The following SCMH1 variants were observed in gnomAD, a reference collection of about 807,000 sequenced individuals.
SCMH1 encodes the protein Scm polycomb group protein homolog 1.
SCMH1 carries 37 observed loss-of-function variants against 70.8 expected under a neutral mutation model. The observed-to-expected ratio is 0.52, with a 90% CI of 0.40 to 0.69. SCMH1 has a LOEUF of 0.69. Ranked by LOEUF, SCMH1 falls within the 30% of genes least tolerant of loss-of-function variation. SCMH1 has a pLI of 0.00. For missense variants in SCMH1, 607 were observed against 827.3 expected, an observed-to-expected ratio of 0.73 and a Z score of 3.27; for synonymous variants, 292 against 307.4, an observed-to-expected ratio of 0.95 and a Z score of 0.52.
intron 4 of SCMH1, chr1:41,159,759 A>G: frequency 1.3e-6 from 2 of 1,527,482 alleles, no homozygotes; most frequent in Non-Finnish European, 1.8e-6. Context: ...TCTTCAGCTC[A>G]CATTCATAGA....
At chr1:41,234,629 C>T (rs932036056) in intron 1 of SCMH1, among the ~76,000 whole-genome samples, 1 of 151,866 alleles carries the variant, frequency 6.6e-6, no homozygotes, top group Non-Finnish European at 1.5e-5. Context: ...CACCCGCCAC[C>T]ACACCTGGCT....
intron 2 of SCMH1, among the ~76,000 whole-genome samples, chr1:41,179,206 T>C (rs989324360): frequency 2.7e-4 from 41 of 151,920 alleles, no homozygotes; most frequent in African/African-American, 9.7e-4. Context: ...AGACACAACA[T>C]ACCAGAATCT....
chr1:41,092,357 T>G (rs1572028386), intron 8 of SCMH1, among the ~76,000 whole-genome samples: 1 of 152,288 alleles, frequency 6.6e-6, no homozygotes, highest in East Asian at 1.9e-4. Context: ...CCTTACACCT[T>G]ATACAAAAAT....
Position 41,076,662 on chromosome 1 carries a change from G to A in SCMH1, c.746-1211C>T, listed in dbSNP as rs75281965. ...GAGATGACATTTACACAGAGCTCCC[G>A]AAAGAGGTAAAGGCACAATGCCTTA... On this transcript the variant is annotated intron_variant, in intron 8 of 14. Transcript: ENST00000337495. Among the ~76,000 whole-genome samples, 905 of 152,264 alleles carry A rather than the reference G, an allele frequency of 5.9e-3. 5 individuals are homozygous for A. The highest frequency in any genetic ancestry group is 0.02 in the African/African-American group (841 of 41,534).
intron 2 of SCMH1, among the ~76,000 whole-genome samples, chr1:41,166,110 CT>C (rs1159737644): frequency 3.3e-5 from 5 of 151,942 alleles, no homozygotes; most frequent in Non-Finnish European, 7.4e-5. Context: ...ACAGATTGTC[CT>C]TTCCTCAATG....
intron 1 of SCMH1, among the ~76,000 whole-genome samples, chr1:41,240,755 T>A (rs1341363614): frequency 6.6e-6 from 1 of 152,042 alleles, no homozygotes; most frequent in Non-Finnish European, 1.5e-5. Flanking sequence ...TCTTTTTTTT[T>A]TTTTTTTAAG....
At chr1:41,091,384 C>T (rs1663445584) in intron 8 of SCMH1, among the ~76,000 whole-genome samples, 1 of 152,228 alleles carries the variant, frequency 6.6e-6, no homozygotes, top group South Asian at 2.1e-4. Flanking sequence ...TGGGATGTAT[C>T]TCAAAATAAT....
At chr1:41,151,170 T>C (rs1212076152) in intron 5 of SCMH1, among the ~76,000 whole-genome samples, 1 of 152,202 alleles carries the variant, frequency 6.6e-6, no homozygotes, top group Non-Finnish European at 1.5e-5. Flanking sequence ...AAACTCTGGA[T>C]GACCTCTGAT....
At chr1:41,147,952 G>T (rs554930909) in intron 5 of SCMH1, among the ~76,000 whole-genome samples, 1 of 152,170 alleles carries the variant, frequency 6.6e-6, no homozygotes, top group East Asian at 1.9e-4. Flanking sequence ...GTATATAATT[G>T]GGTTTTGCTT....
intron 5 of SCMH1, among the ~76,000 whole-genome samples, chr1:41,143,721 C>T (rs936057364): frequency 1.3e-5 from 2 of 151,946 alleles, no homozygotes; most frequent in African/African-American, 4.9e-5. Context: ...CAAGCTCTCA[C>T]ATGCTCTTTT....
intron 10 of SCMH1, among the ~76,000 whole-genome samples, chr1:41,058,768 C>A (rs1462453582): frequency 6.6e-6 from 1 of 152,136 alleles, no homozygotes; most frequent in Non-Finnish European, 1.5e-5. Context: ...CTTGGCAAAT[C>A]TACATTTTAC....
At chr1:41,169,183 G>A (rs1052856010) in intron 2 of SCMH1, among the ~76,000 whole-genome samples, 4 of 152,164 alleles carry the variant, frequency 2.6e-5, no homozygotes, top group African/African-American at 9.7e-5. Context: ...TTGTCCCTTG[G>A]GTGGAAGTTA....
At chr1:41,045,395 G>A (rs1646773543) in intron 12 of SCMH1, among the ~76,000 whole-genome samples, 1 of 152,092 alleles carries the variant, frequency 6.6e-6, no homozygotes. Context: ...TACGGATTTG[G>A]GTACAGAAGT....
chr1:41,147,223 A>G (rs1186863857), intron 5 of SCMH1, among the ~76,000 whole-genome samples: 1 of 152,192 alleles, frequency 6.6e-6, no homozygotes, highest in African/African-American at 2.4e-5. Flanking sequence ...TGTTTGTTCT[A>G]AATCTTTCGA....
At chr1:41,158,214 T>C (rs910578207) in intron 4 of SCMH1, among the ~76,000 whole-genome samples, 1 of 152,208 alleles carries the variant, frequency 6.6e-6, no homozygotes, top group Non-Finnish European at 1.5e-5. Flanking sequence ...ATTTATAGTG[T>C]GTGTCAAAGC....
chr1:41,173,853 G>A (rs1019574346), intron 2 of SCMH1, among the ~76,000 whole-genome samples: 1 of 152,058 alleles, frequency 6.6e-6, no homozygotes, highest in African/African-American at 2.4e-5. Context: ...AATGAAATAA[G>A]CCAGGCACAG....
At chr1:41,112,694 T>C (rs1406221601) in intron 8 of SCMH1, among the ~76,000 whole-genome samples, 2 of 152,216 alleles carry the variant, frequency 1.3e-5, no homozygotes, top group African/African-American at 2.4e-5. Flanking sequence ...ATTTTACCCA[T>C]GTAATCTCAT....
At chr1:41,240,560 T>TA (rs71692898) in intron 1 of SCMH1, among the ~76,000 whole-genome samples, 17,193 of 144,048 alleles carry the variant, frequency 0.12, 1,259 homozygotes, top group East Asian at 0.28. Context: ...TTTCAGAGTT[T>TA]AAAAAAAAAA....
chr1:41,180,171 AT>A (rs1408277603), intron 2 of SCMH1, among the ~76,000 whole-genome samples: 1 of 152,226 alleles, frequency 6.6e-6, no homozygotes, highest in Non-Finnish European at 1.5e-5. Context: ...ACAACACTTC[AT>A]GCTAAAAACT....
Sources: allele counts gnomAD v4.1 joint callset (sites outside exome capture counted in the v4.1 genomes callset), GRCh38; gene constraint gnomAD v4.1.1; transcripts MANE v1.5; gene names NCBI Gene and HGNC (gene_info 2026-07-23, HGNC 2026-07-21).